Variants in CNDP1 observed in about 807,000 individuals in gnomAD.
CNDP1 encodes carnosine dipeptidase 1.
A neutral mutation model predicts 58.1 loss-of-function variants in CNDP1; 44 were observed. The observed-to-expected ratio is 0.76, with a 90% CI of 0.60 to 0.97. CNDP1 has a LOEUF of 0.97. Ranked by LOEUF, CNDP1 falls within the 50% of genes least tolerant of loss-of-function variation. CNDP1 has a pLI of 0.00. For missense variants in CNDP1, 616 were observed against 655.1 expected (o/e 0.94, Z 0.65); for synonymous variants, 254 against 252.6 (o/e 1.01, Z -0.05).
intron 1 of CNDP1, among the ~76,000 whole-genome samples, chr18:74,543,232 G>A (rs1436565782): frequency 6.6e-6 from 1 of 152,244 alleles, no homozygotes; most frequent in Non-Finnish European, 1.5e-5. Flanking sequence ...GCTCATGCCT[G>A]TAATCCCATC....
At chr18:74,542,621 A>C (rs1980653891) in intron 1 of CNDP1, among the ~76,000 whole-genome samples, 1 of 152,056 alleles carries the variant, frequency 6.6e-6, no homozygotes, top group Non-Finnish European at 1.5e-5. Flanking sequence ...ACAAGATCTC[A>C]CTCTGTGATC....
At chr18:74,578,725 T>C (rs1027692463) in intron 9 of CNDP1, among the ~76,000 whole-genome samples, 2 of 152,078 alleles carry the variant, frequency 1.3e-5, no homozygotes, top group African/African-American at 4.8e-5. Flanking sequence ...GCTAGGAAAA[T>C]TTGAAAGTTA....
chr18:74,534,725 T>C lies in CNDP1; in HGVS notation c.24+34T>C, dbSNP rs151125202. The C allele has an allele frequency of 5.3e-4, 862 of 1,613,392 alleles. 5 individuals carry two copies. In the African/African-American group the frequency reaches 8.6e-3, roughly 16 times the overall value. ...GACCTCCTCCATCAGAGTCCGTGCATTGGGTGCCAGAATTCCATTTGTCCC... is the reference window on the plus strand; with the variant it reads ...GACCTCCTCCATCAGAGTCCGTGCACTGGGTGCCAGAATTCCATTTGTCCC... On this transcript the variant is annotated intron_variant, in intron 1 of 11. Transcript: ENST00000358821.
intron 7 of CNDP1, among the ~76,000 whole-genome samples, chr18:74,575,813 G>A (rs1981617787): frequency 6.8e-6 from 1 of 147,968 alleles, no homozygotes; most frequent in African/African-American, 2.5e-5. Context: ...AGGTATGTAT[G>A]TATGTAGGTG....
intron 1 of CNDP1, among the ~76,000 whole-genome samples, chr18:74,541,278 G>C (rs1178391355): frequency 6.6e-6 from 1 of 152,212 alleles, no homozygotes; most frequent in Non-Finnish European, 1.5e-5. Context: ...TGCCAGGAAA[G>C]GCACAGTGAT....
At chr18:74,566,218 C>T (rs1015453862) in intron 5 of CNDP1, among the ~76,000 whole-genome samples, 3 of 152,220 alleles carry the variant, frequency 2.0e-5, no homozygotes, top group African/African-American at 7.2e-5. Context: ...GGCCTCCAGG[C>T]CTGTGATGGG....
At position 74,570,234 on chromosome 18, in the gene CNDP1, T is replaced by TAATAATAAA. The variant is rs1568298355; in HGVS notation, c.757-950_757-949insTAATAAAAA. The stretch of plus-strand genomic sequence containing the variant: ...TAATAATAATTAATAATAATAATAA[T>TAATAATAAA]AAATAATTAAAAAAAAAGAAAAGAA... On this transcript the variant is annotated intron_variant, in intron 6 of 11. Transcript: ENST00000358821. Among the ~76,000 whole-genome samples, 299 of 83,802 alleles carry TAATAATAAA rather than the reference T, an allele frequency of 3.6e-3. 2 individuals are homozygous for TAATAATAAA. Among genetic ancestry groups the TAATAATAAA allele is most frequent in the African/African-American group, 0.013 (257 of 19,692 alleles). The allele number at this position is 83,802 out of a possible 152,430, so 55.0% of individuals were successfully genotyped here.
rs1981932178 is a variant in CNDP1 at position 74,587,092 on chromosome 18, TAA to T, written c.*2531_*2532del. On this transcript the variant is annotated 3_prime_UTR_variant, in exon 12 of 12. Transcript: ENST00000358821. ...GCGCATTAAAGCGTAACTATTGTGATAAGTTTAGGGGTTAGGAATATCATTTG... is the reference window on the plus strand; with the variant it reads ...GCGCATTAAAGCGTAACTATTGTGATGTTTAGGGGTTAGGAATATCATTTG... 1 of 152,234 alleles carries T rather than the reference TAA, an allele frequency of 6.6e-6. No homozygotes were observed. Among genetic ancestry groups the T allele is most frequent in the African/African-American group, 2.4e-5 (1 of 41,470 alleles). 9.4% of individuals were successfully genotyped at this position (152,234 alleles called of 1,614,324 possible). A position where few individuals can be genotyped will look rare whatever the true frequency, so the allele number is the denominator to read the frequency against.
At chr18:74,547,359 T>C (rs1980787458) in intron 1 of CNDP1, among the ~76,000 whole-genome samples, 1 of 152,212 alleles carries the variant, frequency 6.6e-6, no homozygotes, top group African/African-American at 2.4e-5. Flanking sequence ...GTCTGGCTGA[T>C]TGGCCATTGT....
intron 7 of CNDP1, among the ~76,000 whole-genome samples, chr18:74,575,559 A>G (rs1213712931): frequency 6.6e-6 from 1 of 152,172 alleles, no homozygotes; most frequent in African/African-American, 2.4e-5. Flanking sequence ...TGCTGCTCTT[A>G]TGGATATTTA....
At chr18:74,582,293 G>A (rs1447584952) in intron 10 of CNDP1, among the ~76,000 whole-genome samples, 1 of 152,224 alleles carries the variant, frequency 6.6e-6, no homozygotes, top group African/African-American at 2.4e-5. Context: ...GAATAAAGAA[G>A]AGGTGGCATG....
chr18:74,566,803 T>G (rs1256815229), intron 5 of CNDP1, among the ~76,000 whole-genome samples: 3 of 152,212 alleles, frequency 2.0e-5, no homozygotes, highest in Admixed American at 2.0e-4. Context: ...GCTTCCAAAT[T>G]TTTGGGTATC....
At chr18:74,553,785 T>C (rs1980968410) in intron 1 of CNDP1, among the ~76,000 whole-genome samples, 1 of 152,208 alleles carries the variant, frequency 6.6e-6, no homozygotes, top group Non-Finnish European at 1.5e-5. Flanking sequence ...ACTTCTGCCC[T>C]GAATGCCTGC....
intron 6 of CNDP1, among the ~76,000 whole-genome samples, chr18:74,570,282 T>C (rs1981446379): frequency 6.6e-6 from 1 of 151,712 alleles, no homozygotes; most frequent in East Asian, 1.9e-4. Context: ...AACAGGTTAA[T>C]GAACCAGTCC....
At chr18:74,579,252 T>A (rs71354472) in intron 9 of CNDP1, among the ~76,000 whole-genome samples, 8,664 of 141,114 alleles carry the variant, frequency 0.061, 336 homozygotes, top group African/African-American at 0.11. Context: ...CTCCTTTCCT[T>A]TTTCTTCCCT....
At chr18:74,536,466 G>T (rs1421146146) in intron 1 of CNDP1, among the ~76,000 whole-genome samples, 1 of 152,194 alleles carries the variant, frequency 6.6e-6, no homozygotes, top group African/African-American at 2.4e-5. Context: ...CAAAGGACAT[G>T]ATCTCATTCT....
At position 74,584,836 on chromosome 18, in the gene CNDP1, GATT is replaced by G; in HGVS notation, c.*275_*277del. On this transcript the variant is annotated 3_prime_UTR_variant, in exon 12 of 12. Coordinates refer to ENST00000358821, the MANE Select transcript of CNDP1 (RefSeq NM_032649.6). ...CCCAAGTCCTGTGCAATAGCCCCAG[GATT>G]GGATTCCTTCAAACCTTTTAGCATA... 2.5e-6 allele frequency: 1 copy of G among 394,732 alleles called. No individual in the cohort carries two copies. The highest frequency in any genetic ancestry group is 5.5e-5 in the South Asian group (1 of 18,078). 24.5% of individuals were successfully genotyped at this position (394,732 alleles called of 1,614,324 possible).
At position 74,586,058 on chromosome 18, in the gene CNDP1, G is replaced by C. The variant is rs1350807917; in HGVS notation, c.*1496G>C. ...GCGTTCAACTTTTTTCCATCACTCTGTTGGTTCTTGAGATGTCAGTGTCAG... is the reference window on the plus strand; with the variant it reads ...GCGTTCAACTTTTTTCCATCACTCTCTTGGTTCTTGAGATGTCAGTGTCAG... On this transcript the variant is annotated 3_prime_UTR_variant, in exon 12 of 12. Coordinates refer to ENST00000358821, the MANE Select transcript of CNDP1 (RefSeq NM_032649.6). The C allele has an allele frequency of 6.8e-6, 1 of 146,666 alleles. No homozygotes were observed. The allele number at this position is 146,666 out of a possible 1,614,324, so 9.1% of individuals were successfully genotyped here.
chr18:74,583,249 C>T (rs9989559), intron 10 of CNDP1, among the ~76,000 whole-genome samples: 89,428 of 151,800 alleles, frequency 0.59, 27,535 homozygotes, highest in South Asian at 0.71. Flanking sequence ...TCAAGTGATC[C>T]GCACACCTCA....
Sources: gnomAD v4.1 joint callset for allele counts (sites outside exome capture counted in the v4.1 genomes callset) on GRCh38, gnomAD v4.1.1 for gene constraint, MANE v1.5 for transcripts, NCBI Gene and HGNC (gene_info 2026-07-23, HGNC 2026-07-21) for gene names.